Variants in KCNIP4 observed in about 807,000 individuals in gnomAD.
KCNIP4 encodes the protein Kv channel-interacting protein 4.
A neutral mutation model predicts 34.0 loss-of-function variants in KCNIP4; 12 were observed. The observed-to-expected ratio is 0.35, with a 90% CI of 0.23 to 0.57. KCNIP4 has a LOEUF of 0.57. KCNIP4 is among the 20% of genes least tolerant of loss of function. KCNIP4 has a pLI of 0.83. For synonymous variants in KCNIP4, 124 were observed against 102.2 expected (o/e 1.21, Z -1.29); for missense variants, 238 against 311.7 (o/e 0.76, Z 1.78).
intron 1 of KCNIP4, among the ~76,000 whole-genome samples, chr4:21,338,715 TTAA>T (rs1424269693): frequency 2.0e-5 from 3 of 151,830 alleles, no homozygotes; most frequent in African/African-American, 7.3e-5. Context: ...TAATGTGTAA[TTAA>T]TAATGTTATA....
chr4:20,872,454 G>C (rs1201568900), intron 2 of KCNIP4, among the ~76,000 whole-genome samples: 1 of 152,028 alleles, frequency 6.6e-6, no homozygotes, highest in East Asian at 1.9e-4. Flanking sequence ...GGCTAAACTT[G>C]AACCCTGCAA....
chr4:21,658,789 G>T (rs965674186), intron 1 of KCNIP4, among the ~76,000 whole-genome samples: 3 of 152,158 alleles, frequency 2.0e-5, no homozygotes, highest in Non-Finnish European at 4.4e-5. Flanking sequence ...CATCATTGAG[G>T]ATCACAGGCC....
intron 1 of KCNIP4, among the ~76,000 whole-genome samples, chr4:21,302,248 T>C (rs1383973686): frequency 6.6e-6 from 1 of 152,146 alleles, no homozygotes. Flanking sequence ...AGGGAATATT[T>C]GTGCTCCTGA....
At chr4:21,763,255 A>T (rs1718179329) in intron 1 of KCNIP4, among the ~76,000 whole-genome samples, 1 of 152,166 alleles carries the variant, frequency 6.6e-6, no homozygotes, top group Non-Finnish European at 1.5e-5. Context: ...TTCCTCTAAC[A>T]CAATAGGCAC....
At chr4:21,735,612 T>C (rs1422551654) in intron 1 of KCNIP4, among the ~76,000 whole-genome samples, 1 of 151,216 alleles carries the variant, frequency 6.6e-6, no homozygotes, top group Non-Finnish European at 1.5e-5. Context: ...TAAAGATTTG[T>C]TTTTGTTTTT....
chr4:21,656,193 T>C (rs910439033), intron 1 of KCNIP4, among the ~76,000 whole-genome samples: 8 of 152,154 alleles, frequency 5.3e-5, no homozygotes, highest in African/African-American at 1.9e-4. Flanking sequence ...ATCTTGGTTT[T>C]CTTTAGCTTG....
intron 1 of KCNIP4, among the ~76,000 whole-genome samples, chr4:21,691,691 C>T (rs889509458): frequency 1.3e-4 from 13 of 103,148 alleles, no homozygotes; most frequent in Admixed American, 1.3e-4. Flanking sequence ...AAACGCAGCT[C>T]TTTTTTTTTT....
chr4:21,209,370 T>C (rs1208774425), intron 1 of KCNIP4, among the ~76,000 whole-genome samples: 3 of 152,096 alleles, frequency 2.0e-5, no homozygotes, highest in African/African-American at 7.2e-5. Flanking sequence ...AGCTGTAATT[T>C]TGTATCCTTT....
chr4:20,776,050 A>G (rs1756344203), intron 3 of KCNIP4, among the ~76,000 whole-genome samples: 4 of 152,182 alleles, frequency 2.6e-5, no homozygotes, highest in Admixed American at 2.6e-4. Flanking sequence ...TTCAAATCCC[A>G]ACAATTCTAC....
intron 1 of KCNIP4, among the ~76,000 whole-genome samples, chr4:21,855,943 A>C (rs1198315673): frequency 2.0e-5 from 3 of 152,218 alleles, no homozygotes; most frequent in African/African-American, 7.2e-5. Context: ...ATCAATTAAC[A>C]ACATTGAAAA....
At chr4:21,485,108 C>G (rs1410615023) in intron 1 of KCNIP4, among the ~76,000 whole-genome samples, 1 of 152,146 alleles carries the variant, frequency 6.6e-6, no homozygotes. Flanking sequence ...AGCAAGGAGG[C>G]AATCTCAGCT....
At chr4:21,097,360 G>T (rs11736572) in intron 1 of KCNIP4, among the ~76,000 whole-genome samples, 21,713 of 152,098 alleles carry the variant, frequency 0.14, 1,757 homozygotes, top group East Asian at 0.23. Flanking sequence ...CACATACAAA[G>T]ATATCATTTT....
intron 1 of KCNIP4, among the ~76,000 whole-genome samples, chr4:21,635,985 TG>T: frequency 6.6e-6 from 1 of 151,982 alleles, no homozygotes. Flanking sequence ...TCATGTCCTT[TG>T]TAGGGACATG....
intron 1 of KCNIP4, among the ~76,000 whole-genome samples, chr4:21,825,900 G>T (rs1208792617): frequency 6.6e-6 from 1 of 152,086 alleles, no homozygotes; most frequent in Non-Finnish European, 1.5e-5. Flanking sequence ...TTAGAATGGA[G>T]AATCAGGGAC....
At chr4:21,343,975 A>G (rs1717032432) in intron 1 of KCNIP4, among the ~76,000 whole-genome samples, 1 of 152,156 alleles carries the variant, frequency 6.6e-6, no homozygotes, top group African/African-American at 2.4e-5. Context: ...AAATAAACAT[A>G]ATTCAAGTCT....
chr4:21,759,905 A>C (rs1044277136), intron 1 of KCNIP4, among the ~76,000 whole-genome samples: 7 of 152,020 alleles, frequency 4.6e-5, no homozygotes, highest in African/African-American at 9.7e-5. Flanking sequence ...CTTGAATTTA[A>C]TATACTGCTC....
At chr4:21,239,254 G>T (rs375071569) in intron 1 of KCNIP4, among the ~76,000 whole-genome samples, 1 of 119,934 alleles carries the variant, frequency 8.3e-6, no homozygotes, top group Non-Finnish European at 1.9e-5. Flanking sequence ...ACATGTTGGA[G>T]CTAAAACCAT....
chr4:21,218,322 TTTTA>T (rs1174231440), intron 1 of KCNIP4, among the ~76,000 whole-genome samples: 4 of 152,172 alleles, frequency 2.6e-5, no homozygotes, highest in Admixed American at 2.6e-4. Context: ...GCCTGTATAG[TTTTA>T]TTTATTTATA....
At chr4:21,034,378 C>T (rs753630988) in intron 1 of KCNIP4, among the ~76,000 whole-genome samples, 7 of 152,172 alleles carry the variant, frequency 4.6e-5, no homozygotes, top group Non-Finnish European at 1.0e-4. Context: ...TCTTAAATAA[C>T]CCAAGCTGTG....
Sources: allele counts gnomAD v4.1 joint callset (sites outside exome capture counted in the v4.1 genomes callset), GRCh38; gene constraint gnomAD v4.1.1; transcripts MANE v1.5; gene names NCBI Gene and HGNC (gene_info 2026-07-23, HGNC 2026-07-21).